FRMD5: variants seen among roughly 807,000 people sequenced by gnomAD.
The protein encoded by FRMD5 is FERM domain-containing protein 5.
FRMD5 carries 20 observed loss-of-function variants against 69.0 expected under a neutral mutation model. That is an observed-to-expected ratio of 0.29 (90% confidence interval 0.20 to 0.42). The LOEUF (loss-of-function observed/expected upper bound fraction) is 0.42, where lower values mean the gene tolerates loss of function less well. Among genes scored for constraint, FRMD5 ranks in the 10% least tolerant of loss-of-function variants. The pLI is 1.00. For missense variants in FRMD5, 595 were observed against 708.6 expected, an observed-to-expected ratio of 0.84 and a Z score of 1.82; for synonymous variants, 271 against 260.1, an observed-to-expected ratio of 1.04 and a Z score of -0.40.
At position 44,194,934 on chromosome 15, in the gene FRMD5, G is replaced by T. The variant is rs1386654603; in HGVS notation, c.102+19C>A. ...GACAAGGGGGTCCCGCGGGCGGGGC[G>T]GGGCGGCGCGGCGCTGACCTGGATG... is the stretch of plus-strand genomic sequence containing the variant. On this transcript the variant is annotated intron_variant, in intron 1 of 13. Transcript: ENST00000417257. The T allele has an allele frequency of 6.6e-7, 1 of 1,511,204 alleles. No individual in the cohort carries two copies. 93.6% of individuals were successfully genotyped at this position (1,511,204 alleles called of 1,614,324 possible).
intron 1 of FRMD5, among the ~76,000 whole-genome samples, chr15:43,996,899 C>A (rs930358322): frequency 6.6e-6 from 1 of 151,976 alleles, no homozygotes; most frequent in Non-Finnish European, 1.5e-5. Flanking sequence ...TTGATAAACA[C>A]TGCTCTTGAA....
chr15:43,873,095 AT>A lies in FRMD5; in HGVS notation c.*789del. 2.9e-6 allele frequency: 4 copies of A among 1,368,632 alleles called. No individual in the cohort carries two copies. Among genetic ancestry groups the A allele is most frequent in the Middle Eastern group, 1.8e-4 (1 of 5,570 alleles). The allele number at this position is 1,368,632 out of a possible 1,614,324, so 84.8% of individuals were successfully genotyped here. On this transcript the variant is annotated 3_prime_UTR_variant, in exon 14 of 14. Coordinates refer to ENST00000417257, the MANE Select transcript of FRMD5 (RefSeq NM_032892.5). ...TCTTGAGGTTCTTCGGAAAAAAAAA[AT>A]CACGTTAAGTCTAGTTTCATTATAC...
At chr15:44,038,183 G>C (rs960840633) in intron 1 of FRMD5, among the ~76,000 whole-genome samples, 1 of 152,116 alleles carries the variant, frequency 6.6e-6, no homozygotes, top group Non-Finnish European at 1.5e-5. Flanking sequence ...GTAGATTCTG[G>C]ATATTAGCCC....
intron 1 of FRMD5, among the ~76,000 whole-genome samples, chr15:43,972,519 T>C (rs865812954): frequency 1.3e-5 from 2 of 152,156 alleles, no homozygotes; most frequent in Non-Finnish European, 2.9e-5. Flanking sequence ...ATCTGGGGCA[T>C]CTTTGGGTGA....
At chr15:44,002,998 T>A (rs1890280493) in intron 1 of FRMD5, among the ~76,000 whole-genome samples, 1 of 152,140 alleles carries the variant, frequency 6.6e-6, no homozygotes, top group Admixed American at 6.5e-5. Flanking sequence ...TCCCAAGTCA[T>A]ACCACAGCAG....
chr15:44,048,403 T>C (rs1331772854), intron 1 of FRMD5, among the ~76,000 whole-genome samples: 2 of 152,232 alleles, frequency 1.3e-5, no homozygotes, highest in African/African-American at 4.8e-5. Flanking sequence ...CTTTTGTTAT[T>C]GGGCTATCTT....
intron 13 of FRMD5, among the ~76,000 whole-genome samples, chr15:43,881,493 A>G (rs1010835267): frequency 2.6e-5 from 4 of 151,920 alleles, no homozygotes; most frequent in Non-Finnish European, 4.4e-5. Flanking sequence ...GTCCACAGGC[A>G]CTCTCCCACA....
chr15:44,192,682 A>G (rs2078215940), intron 1 of FRMD5, among the ~76,000 whole-genome samples: 1 of 152,228 alleles, frequency 6.6e-6, no homozygotes, highest in Non-Finnish European at 1.5e-5. Context: ...CATGCAGAAA[A>G]TGTTAATTTC....
chr15:43,962,589 C>A (rs1378337200), intron 1 of FRMD5, among the ~76,000 whole-genome samples: 5 of 152,182 alleles, frequency 3.3e-5, no homozygotes, highest in Non-Finnish European at 7.3e-5. Flanking sequence ...ACAGAGCCCG[C>A]ATTGCCAAGT....
At chr15:44,182,955 C>T (rs1331406925) in intron 1 of FRMD5, among the ~76,000 whole-genome samples, 1 of 151,872 alleles carries the variant, frequency 6.6e-6, no homozygotes, top group Non-Finnish European at 1.5e-5. Context: ...GCCACCACGC[C>T]AGGCTAAATT....
At chr15:43,883,234 G>C (rs1243685721) in intron 13 of FRMD5, among the ~76,000 whole-genome samples, 1 of 151,912 alleles carries the variant, frequency 6.6e-6, no homozygotes, top group African/African-American at 2.4e-5. Context: ...CGAGTAGCTG[G>C]GATTAGTCAT....
At chr15:44,180,583 G>C (rs1009889976) in intron 1 of FRMD5, among the ~76,000 whole-genome samples, 1 of 152,086 alleles carries the variant, frequency 6.6e-6, no homozygotes, top group African/African-American at 2.4e-5. Flanking sequence ...TCAGGAGTTC[G>C]AGACCAACCT....
intron 2 of FRMD5, among the ~76,000 whole-genome samples, chr15:43,920,799 C>T (rs2089480363): frequency 6.6e-6 from 1 of 152,266 alleles, no homozygotes; most frequent in South Asian, 2.1e-4. Flanking sequence ...AGGGACTGGG[C>T]CCATACTTCC....
At chr15:43,892,137 G>A in intron 7 of FRMD5, 68 bp from the exon 8 acceptor site, 1 of 1,353,270 alleles carries the variant, frequency 7.4e-7, no homozygotes, top group Non-Finnish European at 1.1e-6. Context: ...AAACACAGCT[G>A]TTCATAGGTG....
intron 1 of FRMD5, among the ~76,000 whole-genome samples, chr15:44,190,917 G>T (rs2078181986): frequency 6.6e-6 from 1 of 152,176 alleles, no homozygotes; most frequent in Non-Finnish European, 1.5e-5. Context: ...ACTCTAGAGT[G>T]CCTGGCAAGC....
chr15:43,900,927 T>C (rs1350640148), intron 7 of FRMD5, among the ~76,000 whole-genome samples: 1 of 152,088 alleles, frequency 6.6e-6, no homozygotes, highest in Non-Finnish European at 1.5e-5. Flanking sequence ...TTCCTATTTG[T>C]TATGCGCTAT....
At chr15:43,939,433 A>C (rs1316412504) in intron 1 of FRMD5, among the ~76,000 whole-genome samples, 1 of 152,180 alleles carries the variant, frequency 6.6e-6, no homozygotes, top group African/African-American at 2.4e-5. Flanking sequence ...AAGACAAGAA[A>C]AGCTGCTGCC....
At chr15:43,980,754 G>A (rs564681960) in intron 1 of FRMD5, among the ~76,000 whole-genome samples, 5 of 152,284 alleles carry the variant, frequency 3.3e-5, no homozygotes, top group African/African-American at 1.2e-4. Flanking sequence ...GTTATTTAAT[G>A]AAGGAGAATA....
At chr15:44,148,359 C>T (rs1192556193) in intron 1 of FRMD5, among the ~76,000 whole-genome samples, 1 of 151,984 alleles carries the variant, frequency 6.6e-6, no homozygotes, top group Non-Finnish European at 1.5e-5. Flanking sequence ...GCAAGCTCTG[C>T]CTCCCGGGTT....
Sources: allele counts gnomAD v4.1 joint callset (sites outside exome capture counted in the v4.1 genomes callset), GRCh38; gene constraint gnomAD v4.1.1; transcripts MANE v1.5; gene names NCBI Gene and HGNC (gene_info 2026-07-23, HGNC 2026-07-21).